TBX20: variants seen among roughly 807,000 people sequenced by gnomAD.
The protein encoded by TBX20 is T-box transcription factor TBX20.
TBX20 carries 8 observed loss-of-function variants against 42.9 expected under a neutral mutation model. The ratio of observed to expected loss-of-function variants is 0.19; its 90% CI spans 0.11 to 0.34. The LOEUF (loss-of-function observed/expected upper bound fraction) is 0.34, where lower values mean the gene tolerates loss of function less well. Ranked by LOEUF, TBX20 falls within the 10% of genes least tolerant of loss-of-function variation. The pLI, the probability that TBX20 is intolerant of heterozygous loss-of-function variation, is 1.00. For synonymous variants in TBX20, 198 were observed against 222.8 expected (o/e 0.89, Z 0.99); for missense variants, 411 against 566.0 (o/e 0.73, Z 2.78).
chr7:35,230,083 T>C (rs1174248655), intron 6 of TBX20, among the ~76,000 whole-genome samples: 8 of 152,114 alleles, frequency 5.3e-5, no homozygotes, highest in Non-Finnish European at 1.0e-4. Flanking sequence ...CCCCACTGCA[T>C]CATTGTCTCC....
At chr7:35,222,936 T>C (rs1789708801) in intron 6 of TBX20, among the ~76,000 whole-genome samples, 1 of 152,188 alleles carries the variant, frequency 6.6e-6, no homozygotes, top group Non-Finnish European at 1.5e-5. Context: ...ATTGCTGTAT[T>C]GAATAAAAAT....
At chr7:35,218,223 A>C (rs1471129444) in intron 6 of TBX20, among the ~76,000 whole-genome samples, 1 of 152,214 alleles carries the variant, frequency 6.6e-6, no homozygotes, top group Non-Finnish European at 1.5e-5. Flanking sequence ...ACGTGGTGGA[A>C]TGGATTAGAC....
chr7:35,250,226 A>G (rs367655217), intron 1 of TBX20, 23 bp from the exon 2 acceptor site: 1 of 1,613,624 alleles, frequency 6.2e-7, no homozygotes, highest in African/African-American at 1.3e-5. Flanking sequence ...AGAATTGTGA[A>G]TGACAGCTGA....
rs145609640 is a variant in TBX20, at chr7:35,245,095, T to C, written c.546-38A>G. ...GGAGAAAACTTTATTGAGACTTCTT[T>C]AAAAAGTCTGTCTCTGTAGGTTATA... On this transcript the variant is annotated intron_variant, in intron 3 of 7. Transcript: ENST00000408931. 1.1e-3 allele frequency: 1,577 copies of C among 1,403,104 alleles called. 45 individuals carry two copies. The East Asian group carries it at 0.036, about 32-fold the overall frequency. The allele number at this position is 1,403,104 out of a possible 1,614,324, so 86.9% of individuals were successfully genotyped here. A position where few individuals can be genotyped will look rare whatever the true frequency, so the allele number is the denominator to read the frequency against.
rs539387168 is a variant in TBX20 at position 35,251,280 on chromosome 7, A to C, written c.128-1077T>G. Among the ~76,000 whole-genome samples the C allele has an allele frequency of 6.6e-5, 10 of 152,356 alleles. No homozygotes were observed. The South Asian group carries it at 2.1e-3, about 32-fold the overall frequency. On this transcript the variant is annotated intron_variant, in intron 1 of 7. Coordinates refer to ENST00000408931, the MANE Select transcript of TBX20 (RefSeq NM_001077653.2). ...AAGCCAGTTCTAAATGTATGTATGT[A>C]CATGTACATGATGTGTGTGGGCATA...
At position 35,204,481 on chromosome 7, in the gene TBX20, G is replaced by A. The variant is rs766104278; in HGVS notation, c.992C>T (p.Thr331Ile). 1.2e-6 allele frequency: 2 copies of A among 1,612,802 alleles called. No individual in the cohort carries two copies. Among genetic ancestry groups the A allele is most frequent in the Non-Finnish European group, 1.7e-6 (2 of 1,178,896 alleles). Residue 331 changes from threonine to isoleucine, a missense_variant, in exon 7 of 8, where the codon ACC (threonine) becomes ATC (isoleucine). By Grantham distance (89) the Thr-to-Ile change is moderately conservative. Coordinates refer to ENST00000408931, the MANE Select transcript of TBX20 (RefSeq NM_001077653.2). ...EDVLGDESQT[T>I]PNRGSAFTTS... ...GGAAACTACCTTACCTCGATTTGGGGTTGTCTGACTCTCATCCCCCAAGAC... is the reference window on the plus strand; with the variant it reads ...GGAAACTACCTTACCTCGATTTGGGATTGTCTGACTCTCATCCCCCAAGAC...
At chr7:35,207,151 G>A (rs1412089880) in intron 6 of TBX20, among the ~76,000 whole-genome samples, 1 of 152,140 alleles carries the variant, frequency 6.6e-6, no homozygotes, top group East Asian at 1.9e-4. Context: ...GAGAACTCCA[G>A]GTCCTCTATA....
At chr7:35,232,431 G>A (rs368514861) in intron 5 of TBX20, among the ~76,000 whole-genome samples, 1 of 152,144 alleles carries the variant, frequency 6.6e-6, no homozygotes, top group African/African-American at 2.4e-5. Context: ...ACTCAACATG[G>A]AAAATACTGG....
intron 6 of TBX20, among the ~76,000 whole-genome samples, chr7:35,215,813 A>G (rs1789579855): frequency 6.6e-6 from 1 of 152,172 alleles, no homozygotes; most frequent in African/African-American, 2.4e-5. Context: ...GAGGATCACT[A>G]CAATGATTAT....
At chr7:35,214,683 C>G (rs1307028734) in intron 6 of TBX20, among the ~76,000 whole-genome samples, 1 of 152,068 alleles carries the variant, frequency 6.6e-6, no homozygotes, top group Non-Finnish European at 1.5e-5. Flanking sequence ...CTTTTGAGGT[C>G]ATTAAGAAGA....
intron 6 of TBX20, among the ~76,000 whole-genome samples, chr7:35,211,707 A>C (rs2128710704): frequency 6.6e-6 from 1 of 152,074 alleles, no homozygotes; most frequent in African/African-American, 2.4e-5. Context: ...TCCAACCATA[A>C]CCCCATTGTT....
intron 6 of TBX20, among the ~76,000 whole-genome samples, chr7:35,215,032 A>G (rs1789559156): frequency 1.3e-5 from 2 of 152,228 alleles, no homozygotes; most frequent in South Asian, 4.1e-4. Context: ...TAAAAAGCCC[A>G]CTTAATAAGA....
At chr7:35,213,149 T>C (rs1220145416) in intron 6 of TBX20, among the ~76,000 whole-genome samples, 1 of 152,234 alleles carries the variant, frequency 6.6e-6, no homozygotes, top group Non-Finnish European at 1.5e-5. Context: ...TTTTGTTGCC[T>C]GATATCCAGT....
At chr7:35,204,117 T>C (rs1046121551) in intron 7 of TBX20, among the ~76,000 whole-genome samples, 13 of 152,192 alleles carry the variant, frequency 8.5e-5, no homozygotes, top group Non-Finnish European at 1.6e-4. Flanking sequence ...TTTCAGATTA[T>C]GAAACTGAGG....
At chr7:35,229,963 C>A (rs1300699611) in intron 6 of TBX20, among the ~76,000 whole-genome samples, 1 of 152,132 alleles carries the variant, frequency 6.6e-6, no homozygotes, top group Non-Finnish European at 1.5e-5. Flanking sequence ...CAGGAAAAGG[C>A]AGAGGTGAGA....
intron 5 of TBX20, among the ~76,000 whole-genome samples, chr7:35,235,616 G>A (rs1336685937): frequency 6.6e-6 from 1 of 152,204 alleles, no homozygotes; most frequent in African/African-American, 2.4e-5. Context: ...CTACTGTTTA[G>A]TGTGGGTCTA....
intron 6 of TBX20, among the ~76,000 whole-genome samples, chr7:35,221,776 G>T (rs183538850): frequency 1.8e-3 from 280 of 152,268 alleles, no homozygotes; most frequent in African/African-American, 6.5e-3. Flanking sequence ...ATTGAAGAGA[G>T]TACAGAAGAA....
intron 5 of TBX20, among the ~76,000 whole-genome samples, chr7:35,240,381 G>T (rs1003319858): frequency 7.2e-5 from 11 of 152,062 alleles, no homozygotes; most frequent in Non-Finnish European, 1.6e-4. Context: ...ACATACTATG[G>T]TTTACTATCT....
intron 3 of TBX20, among the ~76,000 whole-genome samples, chr7:35,247,916 G>A (rs530777702): frequency 1.3e-5 from 2 of 152,232 alleles, no homozygotes; most frequent in South Asian, 2.1e-4. Flanking sequence ...GCAAGTATAT[G>A]TTTTCCTGTT....
Sources: gnomAD v4.1 joint callset for allele counts (sites outside exome capture counted in the v4.1 genomes callset) on GRCh38, gnomAD v4.1.1 for gene constraint, MANE v1.5 for transcripts, NCBI Gene and HGNC (gene_info 2026-07-23, HGNC 2026-07-21) for gene names.